CPQ: variants seen among roughly 807,000 people sequenced by gnomAD.
CPQ encodes the protein carboxypeptidase Q.
CPQ carries 37 observed loss-of-function variants against 45.7 expected under a neutral mutation model. That is an observed-to-expected ratio of 0.81 (90% CI 0.62 to 1.07). CPQ has a LOEUF of 1.07. Among genes scored for constraint, CPQ ranks in the 50% least tolerant of loss-of-function variants. CPQ has a pLI of 0.00. For synonymous variants in CPQ, 186 were observed against 205.8 expected, an observed-to-expected ratio of 0.90 and a Z score of 0.82; for missense variants, 537 against 572.9, an observed-to-expected ratio of 0.94 and a Z score of 0.64.
intron 1 of CPQ, among the ~76,000 whole-genome samples, chr8:96,763,319 G>A (rs1236558228): frequency 1.3e-5 from 2 of 151,974 alleles, no homozygotes; most frequent in Non-Finnish European, 2.9e-5. Context: ...ATATTCAATT[G>A]TACTAGTGTG....
At chr8:96,821,241 G>A (rs745886928) in intron 2 of CPQ, among the ~76,000 whole-genome samples, 2 of 143,676 alleles carry the variant, frequency 1.4e-5, no homozygotes, top group Non-Finnish European at 3.0e-5. Flanking sequence ...CATTCTGTGT[G>A]TTGTCTTTTC....
intron 7 of CPQ, among the ~76,000 whole-genome samples, chr8:97,109,203 CT>C (rs1811460793): frequency 6.6e-6 from 1 of 152,120 alleles, no homozygotes; most frequent in Non-Finnish European, 1.5e-5. Flanking sequence ...CAAGGGTGTT[CT>C]TAATAGCTAC....
At chr8:96,923,534 C>G (rs1812835754) in intron 4 of CPQ, among the ~76,000 whole-genome samples, 1 of 152,044 alleles carries the variant, frequency 6.6e-6, no homozygotes, top group African/African-American at 2.4e-5. Context: ...ATCCATTGTC[C>G]CCAGTAACAC....
At chr8:96,722,972 A>G (rs1334619062) in intron 1 of CPQ, among the ~76,000 whole-genome samples, 1 of 152,202 alleles carries the variant, frequency 6.6e-6, no homozygotes, top group Non-Finnish European at 1.5e-5. Context: ...GTAAGGAAAG[A>G]CATATAAATA....
At chr8:96,651,644 A>G (rs1450256425) in intron 1 of CPQ, among the ~76,000 whole-genome samples, 1 of 152,126 alleles carries the variant, frequency 6.6e-6, no homozygotes, top group Non-Finnish European at 1.5e-5. Context: ...TAATATAACT[A>G]ATGAGGTTGA....
chr8:96,779,125 T>C (rs1810653157), intron 1 of CPQ, among the ~76,000 whole-genome samples: 1 of 151,786 alleles, frequency 6.6e-6, no homozygotes, highest in South Asian at 2.1e-4. Context: ...CAAAAGGATG[T>C]CTGACTTAGG....
At chr8:96,807,971 C>T (rs904297609) in intron 2 of CPQ, among the ~76,000 whole-genome samples, 26 of 152,188 alleles carry the variant, frequency 1.7e-4, no homozygotes, top group Non-Finnish European at 2.9e-5. Context: ...GTGAGGGATT[C>T]ACACTTCTCA....
At chr8:96,861,683 A>G (rs910967304) in intron 3 of CPQ, among the ~76,000 whole-genome samples, 21 of 152,148 alleles carry the variant, frequency 1.4e-4, no homozygotes, top group Admixed American at 1.1e-3. Flanking sequence ...ATATTTATTT[A>G]TTAAACAAAA....
At chr8:96,673,706 C>T (rs1809035998) in intron 1 of CPQ, among the ~76,000 whole-genome samples, 1 of 152,096 alleles carries the variant, frequency 6.6e-6, no homozygotes, top group South Asian at 2.1e-4. Flanking sequence ...ACTTGTGGGA[C>T]ATCCATAAGA....
chr8:96,734,256 C>G (rs1459612348), intron 1 of CPQ, among the ~76,000 whole-genome samples: 2 of 152,234 alleles, frequency 1.3e-5, no homozygotes, highest in Non-Finnish European at 2.9e-5. Context: ...TCACATTACT[C>G]CATCTCTACA....
rs578144068 is a variant in CPQ at position 96,675,304 on chromosome 8, T to C, written c.-35+29902T>C. Among the ~76,000 whole-genome samples, 3 of 152,174 alleles carry C rather than the reference T, an allele frequency of 2.0e-5. No individual in the cohort carries two copies. The South Asian group carries it at 6.2e-4, about 32-fold the overall frequency. On this transcript the variant is annotated intron_variant, in intron 1 of 7. Coordinates refer to ENST00000220763, the MANE Select transcript of CPQ (RefSeq NM_016134.4). ...TTTCTTTTTAGTTAATTGGTAGCTT[T>C]ACATTTTATTCTGCACCTTGCTTTG...
In CPQ at chr8:96,971,368, T is replaced by G. The variant is rs377525730; in HGVS notation, c.961+5322T>G. Among the ~76,000 whole-genome samples the G allele has an allele frequency of 7.9e-5, 12 of 152,364 alleles. No homozygotes were observed. In the East Asian group the frequency reaches 2.1e-3, roughly 27 times the overall value. On this transcript the variant is annotated intron_variant, in intron 5 of 7. Coordinates refer to ENST00000220763, the MANE Select transcript of CPQ (RefSeq NM_016134.4). The stretch of plus-strand genomic sequence containing the variant: ...GACAACTAACTTTTTATCCACACTA[T>G]CTGAGTCTATTTTTTCAAAATGAAC...
Position 96,903,084 on chromosome 8 carries a change from A to C in CPQ, c.849+23079A>C, listed in dbSNP as rs1000588856. Among the ~76,000 whole-genome samples the C allele has an allele frequency of 2.0e-5, 3 of 149,282 alleles. No individual in the cohort carries two copies. In the Admixed American group the frequency reaches 2.0e-4, roughly 10 times the overall value. On this transcript the variant is annotated intron_variant, in intron 4 of 7. Coordinates refer to ENST00000220763, the MANE Select transcript of CPQ (RefSeq NM_016134.4). ...TTCTAGCTCATTCTTTCCCTTGTCA[A>C]GTGGATGCACCAGCAAAGGACCTGT...
chr8:96,959,793 T>C (rs1813421461), intron 4 of CPQ, among the ~76,000 whole-genome samples: 1 of 151,652 alleles, frequency 6.6e-6, no homozygotes. Context: ...CCTCAAACTT[T>C]GTACCCCTAA....
intron 7 of CPQ, among the ~76,000 whole-genome samples, chr8:97,099,896 T>C (rs1811274556): frequency 2.6e-5 from 4 of 152,210 alleles, no homozygotes; most frequent in Admixed American, 2.6e-4. Context: ...GTTAGAAAAT[T>C]ATGAGAAAAT....
chr8:96,951,209 G>A (rs369874888), intron 4 of CPQ, among the ~76,000 whole-genome samples: 5 of 151,898 alleles, frequency 3.3e-5, no homozygotes, highest in Admixed American at 6.6e-5. Flanking sequence ...CTTGTCAATC[G>A]TTACAGAGAT....
At chr8:97,018,026 C>G (rs1015730934) in intron 5 of CPQ, among the ~76,000 whole-genome samples, 1 of 152,168 alleles carries the variant, frequency 6.6e-6, no homozygotes, top group African/African-American at 2.4e-5. Context: ...ATGCTAATAT[C>G]CATGGCTGAG....
intron 7 of CPQ, among the ~76,000 whole-genome samples, chr8:97,076,457 A>G (rs2130544659): frequency 6.6e-6 from 1 of 152,356 alleles, no homozygotes; most frequent in South Asian, 2.1e-4. Context: ...TTCTTTAAAA[A>G]TAGTTTTCTA....
intron 4 of CPQ, among the ~76,000 whole-genome samples, chr8:96,891,958 G>T (rs370433157): frequency 1.3e-5 from 2 of 152,190 alleles, no homozygotes; most frequent in Non-Finnish European, 2.9e-5. Context: ...TTATAAGGAT[G>T]GGGTTGGGAT....
Sources: gnomAD v4.1 joint callset for allele counts (sites outside exome capture counted in the v4.1 genomes callset) on GRCh38, gnomAD v4.1.1 for gene constraint, MANE v1.5 for transcripts, NCBI Gene and HGNC (gene_info 2026-07-23, HGNC 2026-07-21) for gene names.